Variants in MEI1 observed in about 807,000 individuals in gnomAD.
The protein encoded by MEI1 is meiotic double-stranded break formation protein 1.
In MEI1, 103 loss-of-function variants were observed where a neutral mutation model predicts 146.2. The observed-to-expected ratio is 0.70, with a 90% CI of 0.60 to 0.83. The LOEUF (loss-of-function observed/expected upper bound fraction) is 0.83. Among genes scored for constraint, MEI1 ranks in the 40% least tolerant of loss-of-function variants. The probability of loss-of-function intolerance (pLI) is 0.00; values close to 1 mark genes in which losing one functional copy is unlikely to be tolerated. For missense variants in MEI1, 1,529 were observed against 1,533.0 expected (o/e 1.00, Z 0.04); for synonymous variants, 652 against 628.2 (o/e 1.04, Z -0.57).
chr22:41,764,568 T>C (rs1287291721), intron 19 of MEI1, among the ~76,000 whole-genome samples: 1 of 152,322 alleles, frequency 6.6e-6, no homozygotes, highest in East Asian at 1.9e-4. Flanking sequence ...GCCTTTAGCT[T>C]TAGACTGAAG....
At chr22:41,771,206 C>A (rs2075163796) in intron 20 of MEI1, among the ~76,000 whole-genome samples, 2 of 152,126 alleles carry the variant, frequency 1.3e-5, no homozygotes, top group Admixed American at 1.3e-4. Context: ...CTCTCTTCCC[C>A]CCAGGGGATG....
At position 41,743,139 on chromosome 22, in the gene MEI1, C is replaced by T; in HGVS notation, c.1391C>T (p.Ala464Val). 1 of 1,613,164 alleles carries T rather than the reference C, an allele frequency of 6.2e-7. No individual in the cohort carries two copies. The highest frequency in any genetic ancestry group is 2.2e-5 in the East Asian group (1 of 44,892). Residue 464 changes from alanine (A) to valine (V), a missense_variant, in exon 12 of 31, where the codon GCC becomes GTC. Coordinates refer to ENST00000401548, the MANE Select transcript of MEI1 (RefSeq NM_152513.4). ...GGGGAACTGCAGGCTTTGCTAGAAG[C>T]CATGCTAAACCGATGTGCGGAGTTT... is the stretch of plus-strand genomic sequence containing the variant. ...QYGELQALLEAMLNRCAEFSQ... is the reference protein window; with the variant it reads ...QYGELQALLEVMLNRCAEFSQ...
At chr22:41,774,772 A>G (rs1010972444) in intron 20 of MEI1, among the ~76,000 whole-genome samples, 5 of 152,238 alleles carry the variant, frequency 3.3e-5, no homozygotes, top group African/African-American at 1.2e-4. Context: ...AAACAAATAT[A>G]CAGCTACTGT....
At chr22:41,725,315 T>G (rs1018858363) in intron 7 of MEI1, among the ~76,000 whole-genome samples, 1 of 152,020 alleles carries the variant, frequency 6.6e-6, no homozygotes, top group Non-Finnish European at 1.5e-5. Context: ...GGCTTCACCA[T>G]GCTGGCCAGG....
chr22:41,797,096 C>T (rs893588432), intron 30 of MEI1, among the ~76,000 whole-genome samples: 2 of 152,050 alleles, frequency 1.3e-5, no homozygotes, highest in Non-Finnish European at 2.9e-5. Flanking sequence ...CTCCTGGGCC[C>T]AAGGGATCCT....
chr22:41,770,031 G>A (rs1330446075), intron 19 of MEI1, among the ~76,000 whole-genome samples: 1 of 151,844 alleles, frequency 6.6e-6, no homozygotes, highest in Admixed American at 6.6e-5. Flanking sequence ...CTACTCAGGA[G>A]GCTGAGGCAG....
At chr22:41,749,154 G>GT (rs1051803746) in intron 15 of MEI1, among the ~76,000 whole-genome samples, 3 of 152,006 alleles carry the variant, frequency 2.0e-5, no homozygotes, top group Admixed American at 6.6e-5. Flanking sequence ...ATAATTTAAT[G>GT]TTTTTTCTTT....
chr22:41,735,508 C>T (rs557977649), intron 11 of MEI1, among the ~76,000 whole-genome samples: 1 of 152,280 alleles, frequency 6.6e-6, no homozygotes, highest in Non-Finnish European at 1.5e-5. Flanking sequence ...GCTGGGATTA[C>T]AGGCGTGAGC....
intron 20 of MEI1, among the ~76,000 whole-genome samples, chr22:41,772,541 C>T (rs916056394): frequency 1.3e-5 from 2 of 151,688 alleles, no homozygotes; most frequent in Non-Finnish European, 2.9e-5. Context: ...AAGCTGGTCT[C>T]AAATTCCTGG....
intron 2 of MEI1, among the ~76,000 whole-genome samples, chr22:41,704,469 A>G (rs1235840242): frequency 1.4e-5 from 2 of 143,968 alleles, no homozygotes; most frequent in African/African-American, 5.2e-5. Flanking sequence ...GCCGGAGTCC[A>G]GTGGCGTGAT....
chr22:41,737,859 G>T (rs2072517059), intron 11 of MEI1, among the ~76,000 whole-genome samples: 1 of 152,078 alleles, frequency 6.6e-6, no homozygotes, highest in Admixed American at 6.5e-5. Flanking sequence ...GAGACTAAGG[G>T]ATCCTAGCAC....
chr22:41,786,420 A>G (rs889874323), intron 26 of MEI1, among the ~76,000 whole-genome samples: 2 of 152,230 alleles, frequency 1.3e-5, no homozygotes, highest in African/African-American at 4.8e-5. Flanking sequence ...CCTGGGGTCA[A>G]TACTGGCTTC....
intron 1 of MEI1, among the ~76,000 whole-genome samples, chr22:41,701,983 C>A (rs954308249): frequency 1.1e-4 from 17 of 152,170 alleles, no homozygotes; most frequent in African/African-American, 3.9e-4. Context: ...GGAGCTTGAA[C>A]ATAATCTGTC....
intron 7 of MEI1, among the ~76,000 whole-genome samples, chr22:41,729,413 TAC>T (rs1442774912): frequency 6.6e-6 from 1 of 152,206 alleles, no homozygotes; most frequent in Non-Finnish European, 1.5e-5. Flanking sequence ...TGATAACAGT[TAC>T]AGTGTTCTTT....
At chr22:41,756,799 A>G (rs1334769505) in intron 17 of MEI1, among the ~76,000 whole-genome samples, 2 of 152,212 alleles carry the variant, frequency 1.3e-5, no homozygotes, top group Admixed American at 6.5e-5. Flanking sequence ...TTGGTATTAA[A>G]ATATTCTTTC....
At chr22:41,707,071 CG>C (rs1272425120) in intron 3 of MEI1, among the ~76,000 whole-genome samples, 1 of 150,160 alleles carries the variant, frequency 6.7e-6, no homozygotes, top group Non-Finnish European at 1.5e-5. Context: ...GGCGCGGTGG[CG>C]GGCACCTGTA....
intron 6 of MEI1, among the ~76,000 whole-genome samples, chr22:41,723,340 G>A (rs925053963): frequency 2.6e-5 from 4 of 152,150 alleles, no homozygotes; most frequent in Admixed American, 2.6e-4. Flanking sequence ...AACCTCCTGA[G>A]TAGTTGGGAC....
At chr22:41,756,283 T>C (rs576463521) in intron 17 of MEI1, among the ~76,000 whole-genome samples, 1 of 152,026 alleles carries the variant, frequency 6.6e-6, no homozygotes, top group African/African-American at 2.4e-5. Context: ...TACAAGCATA[T>C]GTCACCATGC....
At chr22:41,761,527 G>A (rs965641073) in intron 18 of MEI1, among the ~76,000 whole-genome samples, 4 of 152,078 alleles carry the variant, frequency 2.6e-5, no homozygotes, top group South Asian at 2.1e-4. Context: ...TGTTAGCCAG[G>A]ATGGTCTGGA....
Sources: allele counts gnomAD v4.1 joint callset (sites outside exome capture counted in the v4.1 genomes callset), GRCh38; gene constraint gnomAD v4.1.1; transcripts MANE v1.5; gene names NCBI Gene and HGNC (gene_info 2026-07-23, HGNC 2026-07-21).